Variants in CDH18 observed in about 807,000 individuals in gnomAD.
The protein encoded by CDH18 is cadherin 18, also known as cadherin-18.
A neutral mutation model predicts 67.9 loss-of-function variants in CDH18; 31 were observed. The observed-to-expected ratio is 0.46, with a 90% CI of 0.34 to 0.62. CDH18 has a LOEUF of 0.62. Ranked by LOEUF, CDH18 falls within the 20% of genes least tolerant of loss-of-function variation. The pLI, the probability that CDH18 is intolerant of heterozygous loss-of-function variation, is 0.01. For missense variants in CDH18, 890 were observed against 975.5 expected, an observed-to-expected ratio of 0.91 and a Z score of 1.17; for synonymous variants, 362 against 347.2, an observed-to-expected ratio of 1.04 and a Z score of -0.48.
At chr5:19,867,542 C>T (rs1785696756) in intron 2 of CDH18, among the ~76,000 whole-genome samples, 1 of 152,070 alleles carries the variant, frequency 6.6e-6, no homozygotes, top group Admixed American at 6.6e-5. Context: ...GGAATATAGG[C>T]TATTCAATGG....
chr5:20,015,238 T>C (rs1161412494), intron 2 of CDH18, among the ~76,000 whole-genome samples: 3 of 152,062 alleles, frequency 2.0e-5, no homozygotes, highest in African/African-American at 7.2e-5. Flanking sequence ...TTCCCATAGG[T>C]CCCACGTTTA....
chr5:20,084,894 C>T (rs1238490982), intron 2 of CDH18, among the ~76,000 whole-genome samples: 1 of 152,104 alleles, frequency 6.6e-6, no homozygotes, highest in Non-Finnish European at 1.5e-5. Flanking sequence ...CTTTTTCCTC[C>T]TAGGCCTCCA....
chr5:20,439,458 C>T (rs1369505506), intron 1 of CDH18, among the ~76,000 whole-genome samples: 2 of 151,490 alleles, frequency 1.3e-5, no homozygotes, highest in Non-Finnish European at 2.9e-5. Context: ...TAAACACACA[C>T]ACACATACAC....
chr5:20,286,436 G>A (rs181053161), intron 1 of CDH18, among the ~76,000 whole-genome samples: 187 of 151,644 alleles, frequency 1.2e-3, no homozygotes, highest in Non-Finnish European at 1.3e-3. Context: ...AATGATAGTA[G>A]TAATTTAAAT....
chr5:20,295,562 A>C (rs1034216960), intron 1 of CDH18, among the ~76,000 whole-genome samples: 3 of 151,956 alleles, frequency 2.0e-5, no homozygotes, highest in South Asian at 2.1e-4. Context: ...CCCCGTCTCT[A>C]CTAAAAATAC....
At chr5:20,573,151 AAAG>A (rs543831800) in intron 1 of CDH18, among the ~76,000 whole-genome samples, 120 of 152,232 alleles carry the variant, frequency 7.9e-4, no homozygotes, top group African/African-American at 2.7e-3. Context: ...AGAAAACAAA[AAAG>A]AGAATCAAAG....
intron 2 of CDH18, among the ~76,000 whole-genome samples, chr5:20,016,629 A>G (rs1241665889): frequency 2.0e-5 from 3 of 152,196 alleles, no homozygotes; most frequent in Non-Finnish European, 4.4e-5. Flanking sequence ...GTGCTGGTTG[A>G]GGCAGAAGTC....
At chr5:19,723,954 G>T (rs1235722260) in intron 4 of CDH18, among the ~76,000 whole-genome samples, 1 of 151,966 alleles carries the variant, frequency 6.6e-6, no homozygotes, top group African/African-American at 2.4e-5. Flanking sequence ...CAGGTGATTT[G>T]CCCGCCTCAG....
At chr5:20,121,996 C>G (rs544002396) in intron 2 of CDH18, among the ~76,000 whole-genome samples, 1 of 152,284 alleles carries the variant, frequency 6.6e-6, no homozygotes, top group African/African-American at 2.4e-5. Context: ...ACTTCACTGC[C>G]AGCAGAAAGC....
chr5:19,756,243 T>A (rs1430514180), intron 3 of CDH18, among the ~76,000 whole-genome samples: 1 of 152,160 alleles, frequency 6.6e-6, no homozygotes, highest in Admixed American at 6.6e-5. Context: ...ATAAAGGAAA[T>A]AAAATAAAGA....
chr5:19,928,088 T>A (rs1286744719), intron 2 of CDH18, among the ~76,000 whole-genome samples: 1 of 152,176 alleles, frequency 6.6e-6, no homozygotes, highest in Non-Finnish European at 1.5e-5. Context: ...TGATTCATTG[T>A]CATGGAGAAG....
intron 5 of CDH18, among the ~76,000 whole-genome samples, chr5:19,703,066 T>C (rs531782249): frequency 3.7e-4 from 56 of 151,774 alleles, no homozygotes; most frequent in African/African-American, 1.3e-3. Context: ...ACTCTGTTCA[T>C]GGCTCTCAGC....
chr5:20,432,229 C>T (rs1748800732), intron 1 of CDH18, among the ~76,000 whole-genome samples: 1 of 152,106 alleles, frequency 6.6e-6, no homozygotes, highest in African/African-American at 2.4e-5. Flanking sequence ...GGTGTCAGCG[C>T]CTTAATTTCT....
intron 2 of CDH18, among the ~76,000 whole-genome samples, chr5:19,909,702 A>T: frequency 6.6e-6 from 1 of 152,234 alleles, no homozygotes; most frequent in South Asian, 2.1e-4. Flanking sequence ...CAAAAAAAAA[A>T]ATCTATACAT....
intron 10 of CDH18, among the ~76,000 whole-genome samples, chr5:19,518,670 A>T (rs755075071): frequency 2.0e-5 from 3 of 152,016 alleles, no homozygotes; most frequent in Non-Finnish European, 4.4e-5. Flanking sequence ...TTGGACTTAC[A>T]CCAGTGGTTT....
chr5:20,362,369 G>A lies in CDH18; in HGVS notation c.-579-106864C>T, dbSNP rs35776369. On this transcript the variant is annotated intron_variant, in intron 1 of 14. Transcript: ENST00000507958. ...TAATCAAGGATACTGTTGATACAGC[G>A]CCGAGGAAGCATGTGAACTAAGTAC... is the stretch of plus-strand genomic sequence containing the variant. Among the ~76,000 whole-genome samples the A allele has an allele frequency of 0.029, 4,341 of 152,164 alleles. 305 individuals are homozygous for A. In the East Asian group the frequency reaches 0.3, roughly 10 times the overall value.
chr5:19,872,154 A>G (rs1192902688), intron 2 of CDH18, among the ~76,000 whole-genome samples: 1 of 152,174 alleles, frequency 6.6e-6, no homozygotes, highest in Non-Finnish European at 1.5e-5. Context: ...ACTATGTTAC[A>G]TTTGGTAAAC....
At chr5:20,026,162 G>A (rs1043606410) in intron 2 of CDH18, among the ~76,000 whole-genome samples, 6 of 152,146 alleles carry the variant, frequency 3.9e-5, no homozygotes, top group South Asian at 2.1e-4. Flanking sequence ...GAGAAGTGCC[G>A]TAAGAACACA....
intron 2 of CDH18, among the ~76,000 whole-genome samples, chr5:20,004,923 G>C (rs1216053773): frequency 6.6e-6 from 1 of 151,716 alleles, no homozygotes; most frequent in Non-Finnish European, 1.5e-5. Context: ...AGGAACAGTG[G>C]GTGTGTCAAA....
Sources: gnomAD v4.1 joint callset for allele counts (sites outside exome capture counted in the v4.1 genomes callset) on GRCh38, gnomAD v4.1.1 for gene constraint, MANE v1.5 for transcripts, NCBI Gene and HGNC (gene_info 2026-07-23, HGNC 2026-07-21) for gene names.